Variants in EPS15 observed in about 807,000 individuals in gnomAD.
The protein encoded by EPS15 is epidermal growth factor receptor substrate 15.
Under a neutral mutation model 113.8 loss-of-function variants are expected in EPS15, and 72 were observed. The observed-to-expected ratio is 0.63, with a 90% CI of 0.52 to 0.77. The LOEUF (loss-of-function observed/expected upper bound fraction) is 0.77, where lower values mean the gene tolerates loss of function less well. Ranked by LOEUF, EPS15 falls within the 30% of genes least tolerant of loss-of-function variation. EPS15 has a pLI of 0.00. For missense variants in EPS15, 1,048 were observed against 1,045.8 expected (o/e 1.00, Z -0.03); for synonymous variants, 344 against 363.4 (o/e 0.95, Z 0.61).
intron 1 of EPS15, among the ~76,000 whole-genome samples, chr1:51,500,099 C>T (rs1435596057): frequency 2.0e-5 from 3 of 152,176 alleles, no homozygotes; most frequent in South Asian, 4.1e-4. Context: ...TAAGATTTTT[C>T]CTTCTTGTAG....
intron 2 of EPS15, 127 bp downstream of exon 2, chr1:51,481,146 T>TTTCC: frequency 2.9e-6 from 2 of 681,308 alleles, no homozygotes; most frequent in East Asian, 5.4e-5. Context: ...GTGGAGGCTG[T>TTTCC]AAACAAGATG....
chr1:51,361,858 T>C (rs1646394424), intron 23 of EPS15, among the ~76,000 whole-genome samples: 1 of 152,204 alleles, frequency 6.6e-6, no homozygotes, highest in African/African-American at 2.4e-5. Context: ...CCTAAGAGCA[T>C]AAAATTTTTA....
At chr1:51,390,629 AC>A (rs1647264516) in intron 21 of EPS15, among the ~76,000 whole-genome samples, 1 of 152,128 alleles carries the variant, frequency 6.6e-6, no homozygotes, top group African/African-American at 2.4e-5. Flanking sequence ...GAAAAAAAAA[AC>A]AACCCCATCA....
At chr1:51,377,323 A>T (rs1408209630) in intron 21 of EPS15, among the ~76,000 whole-genome samples, 1 of 152,214 alleles carries the variant, frequency 6.6e-6, no homozygotes, top group Non-Finnish European at 1.5e-5. Context: ...AGCAATAGTA[A>T]GAGGACTTTG....
At chr1:51,508,330 G>C (rs867540201) in intron 1 of EPS15, among the ~76,000 whole-genome samples, 2 of 100,172 alleles carry the variant, frequency 2.0e-5, no homozygotes, top group South Asian at 2.9e-4. Flanking sequence ...AAGAGAGAAA[G>C]AGAAAGAGAG....
chr1:51,378,204 T>C (rs76557562), intron 21 of EPS15, among the ~76,000 whole-genome samples: 1 of 80,088 alleles, frequency 1.2e-5, no homozygotes, highest in Non-Finnish European at 2.4e-5. Context: ...ATCATTAGCA[T>C]TTTTTTTTTT....
At chr1:51,461,040 A>G (rs762688089) in intron 8 of EPS15, 51 bp downstream of exon 8, 2 of 1,200,996 alleles carry the variant, frequency 1.7e-6, no homozygotes, top group Non-Finnish European at 2.5e-6. Flanking sequence ...AAATTTGCAC[A>G]TGAGAAAATC....
intron 23 of EPS15, among the ~76,000 whole-genome samples, chr1:51,361,975 A>C (rs1290310521): frequency 6.6e-6 from 1 of 152,232 alleles, no homozygotes; most frequent in Non-Finnish European, 1.5e-5. Context: ...TGCTGATCAA[A>C]TAATCTCTGA....
At chr1:51,414,670 T>C (rs1650046933) in intron 13 of EPS15, among the ~76,000 whole-genome samples, 1 of 152,120 alleles carries the variant, frequency 6.6e-6, no homozygotes, top group African/African-American at 2.4e-5. Flanking sequence ...AAGAAAAATA[T>C]TCTTTATCTA....
At chr1:51,391,318 T>C (rs938518788) in intron 21 of EPS15, among the ~76,000 whole-genome samples, 3 of 151,194 alleles carry the variant, frequency 2.0e-5, no homozygotes, top group African/African-American at 4.9e-5. Flanking sequence ...CTTTCGTGGG[T>C]TGGGGGGAAG....
chr1:51,500,354 G>A (rs1046117221), intron 1 of EPS15, among the ~76,000 whole-genome samples: 1 of 152,142 alleles, frequency 6.6e-6, no homozygotes, highest in African/African-American at 2.4e-5. Context: ...GTAATTCAAT[G>A]TTTAATATTT....
chr1:51,431,448 T>C (rs1019849338), intron 12 of EPS15, among the ~76,000 whole-genome samples: 1 of 151,770 alleles, frequency 6.6e-6, no homozygotes, highest in African/African-American at 2.4e-5. Context: ...AATAATTTCT[T>C]TTCTTTTTTT....
At chr1:51,431,603 G>A (rs974636940) in intron 12 of EPS15, among the ~76,000 whole-genome samples, 3 of 151,862 alleles carry the variant, frequency 2.0e-5, no homozygotes, top group Admixed American at 6.6e-5. Context: ...GCACCACCAC[G>A]CCCGACTAAT....
Position 51,363,806 on chromosome 1 carries a change from A to T in EPS15, c.2359+60T>A, listed in dbSNP as rs556071202. The T allele has an allele frequency of 4.0e-6, 6 of 1,506,044 alleles. No homozygotes were observed. In the Admixed American group the frequency reaches 1.2e-4, roughly 31 times the overall value. The allele number at this position is 1,506,044 out of a possible 1,614,324, so 93.3% of individuals were successfully genotyped here. A position where few individuals can be genotyped will look rare whatever the true frequency, so the allele number is the denominator to read the frequency against. On this transcript the variant is annotated intron_variant, in intron 23 of 24. Transcript: ENST00000371733. The stretch of plus-strand genomic sequence containing the variant: ...CATTTATATAAGTAAGTTCCGCACA[A>T]TACTTTTCAGAAAGAGAAAAGCCAT...
At chr1:51,387,555 G>A (rs1421088555) in intron 21 of EPS15, among the ~76,000 whole-genome samples, 4 of 152,286 alleles carry the variant, frequency 2.6e-5, no homozygotes, top group African/African-American at 4.8e-5. Context: ...ACCCATTAGT[G>A]TGCTGTATTC....
intron 8 of EPS15, 52 bp from the exon 9 acceptor site, chr1:51,448,187 C>T: frequency 9.7e-7 from 1 of 1,028,072 alleles, no homozygotes; most frequent in Non-Finnish European, 1.5e-6. Context: ...TTAACATCCA[C>T]CCACTGAATT....
At chr1:51,368,739 A>G (rs1646569765) in intron 21 of EPS15, among the ~76,000 whole-genome samples, 1 of 151,876 alleles carries the variant, frequency 6.6e-6, no homozygotes, top group African/African-American at 2.4e-5. Context: ...CTGGGAATAC[A>G]GGTGTGTGCC....
intron 19 of EPS15, among the ~76,000 whole-genome samples, chr1:51,400,036 C>T (rs183329530): frequency 1.3e-5 from 2 of 152,268 alleles, no homozygotes; most frequent in Admixed American, 6.5e-5. Flanking sequence ...CCTTATTCTA[C>T]GCTACCGTAA....
At chr1:51,397,176 G>A (rs895883214) in intron 20 of EPS15, 1 of 152,118 alleles carries the variant, frequency 6.6e-6, no homozygotes, top group Non-Finnish European at 1.5e-5. Flanking sequence ...CACCACACCT[G>A]GCCTCAACTT....
Sources: allele counts gnomAD v4.1 joint callset (sites outside exome capture counted in the v4.1 genomes callset), GRCh38; gene constraint gnomAD v4.1.1; transcripts MANE v1.5; gene names NCBI Gene and HGNC (gene_info 2026-07-23, HGNC 2026-07-21).